The following ZNF438 variants were observed in gnomAD, a reference collection of about 807,000 sequenced individuals.
ZNF438 encodes the protein zinc finger protein 438.
Under a neutral mutation model 38.0 loss-of-function variants are expected in ZNF438, and 25 were observed. That is an observed-to-expected ratio of 0.66 (90% CI 0.48 to 0.92). The LOEUF (loss-of-function observed/expected upper bound fraction) is 0.92, where lower values mean the gene tolerates loss of function less well. ZNF438 is among the 40% of genes least tolerant of loss of function. The pLI is 0.00. For synonymous variants in ZNF438, 372 were observed against 364.1 expected (o/e 1.02, Z -0.25); for missense variants, 1,007 against 999.6 (o/e 1.01, Z -0.10).
intron 3 of ZNF438, among the ~76,000 whole-genome samples, chr10:30,881,397 A>G (rs1254193073): frequency 1.3e-5 from 2 of 152,170 alleles, no homozygotes; most frequent in Admixed American, 6.5e-5. Flanking sequence ...CAGCATAAAA[A>G]TGAAATAATT....
At chr10:30,892,949 T>C (rs1156512651) in intron 3 of ZNF438, among the ~76,000 whole-genome samples, 5 of 152,240 alleles carry the variant, frequency 3.3e-5, no homozygotes, top group African/African-American at 4.8e-5. Context: ...AGATTGTTCT[T>C]AGCCTTCTGC....
chr10:30,875,006 T>C (rs1207433516), intron 4 of ZNF438, among the ~76,000 whole-genome samples: 5 of 152,124 alleles, frequency 3.3e-5, no homozygotes, highest in Non-Finnish European at 4.4e-5. Context: ...AAGTTGTAGG[T>C]AGAATGATTA....
At chr10:31,003,625 A>G (rs1208985018) in intron 1 of ZNF438, among the ~76,000 whole-genome samples, 1 of 152,190 alleles carries the variant, frequency 6.6e-6, no homozygotes, top group Non-Finnish European at 1.5e-5. Context: ...TTTAAGCACT[A>G]AACTAAAGAT....
Position 30,960,179 on chromosome 10 carries a change from C to T in ZNF438, c.-191-18528G>A, listed in dbSNP as rs116506040. On this transcript the variant is annotated intron_variant, in intron 1 of 5. Transcript: ENST00000413025. ...TTCTTTACATGTTTTGGATACAAGT[C>T]CTTTATCACACATGATTTGCAAATA... Among the ~76,000 whole-genome samples, 612 of 147,394 alleles carry T rather than the reference C, an allele frequency of 4.2e-3. 14 individuals are homozygous for T. Among genetic ancestry groups the T allele is most frequent in the Middle Eastern group, 0.019 (5 of 266 alleles).
intron 2 of ZNF438, among the ~76,000 whole-genome samples, chr10:30,926,607 A>G (rs2044961586): frequency 6.6e-6 from 1 of 151,890 alleles, no homozygotes; most frequent in Non-Finnish European, 1.5e-5. Context: ...CAGAGGTTGC[A>G]GTGAGCCAAG....
chr10:30,995,169 A>G (rs1415828149), intron 1 of ZNF438, among the ~76,000 whole-genome samples: 1 of 152,220 alleles, frequency 6.6e-6, no homozygotes, highest in African/African-American at 2.4e-5. Context: ...AATTCTAAAT[A>G]GGATAAATAC....
intron 4 of ZNF438, among the ~76,000 whole-genome samples, chr10:30,863,555 T>G (rs897886684): frequency 2.0e-5 from 3 of 152,240 alleles, no homozygotes; most frequent in African/African-American, 7.2e-5. Flanking sequence ...TTTATTGTCT[T>G]TTAGTGATGA....
At chr10:30,975,564 A>G (rs1383427376) in intron 1 of ZNF438, among the ~76,000 whole-genome samples, 1 of 152,246 alleles carries the variant, frequency 6.6e-6, no homozygotes, top group Non-Finnish European at 1.5e-5. Flanking sequence ...AACATGTTCC[A>G]GACCTTAGAC....
In ZNF438 at chr10:30,946,989, T is replaced by C. The variant is rs557835598; in HGVS notation, c.-191-5338A>G. On this transcript the variant is annotated intron_variant, in intron 1 of 5. Coordinates refer to ENST00000413025, the Ensembl canonical transcript of ZNF438. Reference sequence around the variant, plus strand: ...CGTCACATACAAAATATAAAAACTTTGTAATAAAATTTATCTATTTCCTCC... The same window carrying C: ...CGTCACATACAAAATATAAAAACTTCGTAATAAAATTTATCTATTTCCTCC... Among the ~76,000 whole-genome samples, 94 of 152,364 alleles carry C rather than the reference T, an allele frequency of 6.2e-4. 1 individual carries two copies. Among genetic ancestry groups the C allele is most frequent in the African/African-American group, 1.6e-3 (68 of 41,570 alleles).
intron 2 of ZNF438, among the ~76,000 whole-genome samples, chr10:30,930,836 C>CAAAAAAAAAAAAAAAAAAAAAAAAAAAAA (rs2045599179): frequency 8.5e-5 from 5 of 58,736 alleles, no homozygotes; most frequent in Admixed American, 3.9e-4. Flanking sequence ...AAAAAAAAAG[C>CAAAAAAAAAAAAAAAAAAAAAAAAAAAAA]AAATGGTTCT....
intron 1 of ZNF438, among the ~76,000 whole-genome samples, chr10:30,962,961 C>A (rs1219825434): frequency 6.6e-6 from 1 of 152,096 alleles, no homozygotes; most frequent in Non-Finnish European, 1.5e-5. Flanking sequence ...CTCTAAAATG[C>A]ACTAATGGGT....
chr10:30,975,299 TG>T (rs375586566), intron 1 of ZNF438, among the ~76,000 whole-genome samples: 84 of 152,288 alleles, frequency 5.5e-4, no homozygotes, highest in African/African-American at 1.8e-3. Context: ...AGAATGAAGT[TG>T]GTGCCCATTT....
chr10:30,883,494 T>C (rs2039543319), intron 3 of ZNF438, among the ~76,000 whole-genome samples: 1 of 152,218 alleles, frequency 6.6e-6, no homozygotes, highest in South Asian at 2.1e-4. Flanking sequence ...TTAGGGTATA[T>C]TTTTATAATA....
intron 1 of ZNF438, among the ~76,000 whole-genome samples, chr10:31,018,933 C>T (rs190503680): frequency 3.2e-4 from 48 of 152,302 alleles, no homozygotes; most frequent in Non-Finnish European, 4.3e-4. Context: ...AGAATTTGCA[C>T]ATATCACTTG....
chr10:30,933,590 C>G (rs1466809540), intron 2 of ZNF438, among the ~76,000 whole-genome samples: 1 of 150,696 alleles, frequency 6.6e-6, no homozygotes, highest in Non-Finnish European at 1.5e-5. Context: ...TGTACTTCAT[C>G]TTGGGTGACA....
intron 3 of ZNF438, among the ~76,000 whole-genome samples, chr10:30,906,616 A>T (rs1305293802): frequency 6.6e-6 from 1 of 152,230 alleles, no homozygotes; most frequent in African/African-American, 2.4e-5. Flanking sequence ...AAATAGAAAC[A>T]GTAAGATAAC....
At chr10:30,923,673 C>A (rs2044587755) in intron 2 of ZNF438, among the ~76,000 whole-genome samples, 1 of 152,252 alleles carries the variant, frequency 6.6e-6, no homozygotes, top group South Asian at 2.1e-4. Context: ...TTTCATCTGC[C>A]AATTTGTATA....
chr10:30,970,166 T>C (rs2050592011), intron 1 of ZNF438, among the ~76,000 whole-genome samples: 1 of 151,326 alleles, frequency 6.6e-6, no homozygotes, highest in African/African-American at 2.4e-5. Flanking sequence ...ACACATATAT[T>C]AGGCCTTCAA....
chr10:30,935,870 G>C (rs944583254), intron 2 of ZNF438, among the ~76,000 whole-genome samples: 1 of 152,078 alleles, frequency 6.6e-6, no homozygotes, highest in Non-Finnish European at 1.5e-5. Flanking sequence ...CAGCATGGGG[G>C]AACTGCCCCA....
Sources: gnomAD v4.1 joint callset for allele counts (sites outside exome capture counted in the v4.1 genomes callset) on GRCh38, gnomAD v4.1.1 for gene constraint, MANE v1.5 for transcripts, NCBI Gene and HGNC (gene_info 2026-07-23, HGNC 2026-07-21) for gene names.